SLC1A1: variants seen among roughly 807,000 people sequenced by gnomAD.
SLC1A1 encodes solute carrier family 1 member 1, also known as excitatory amino acid transporter 3.
In SLC1A1, 43 loss-of-function variants were observed where a neutral mutation model predicts 53.3. The ratio of observed to expected loss-of-function variants is 0.81; its 90% CI spans 0.63 to 1.04. The LOEUF (loss-of-function observed/expected upper bound fraction) is 1.04, where lower values mean the gene tolerates loss of function less well. Among genes scored for constraint, SLC1A1 ranks in the 50% least tolerant of loss-of-function variants. The pLI is 0.00. For synonymous variants in SLC1A1, 307 were observed against 243.2 expected, an observed-to-expected ratio of 1.26 and a Z score of -2.44; for missense variants, 748 against 664.9, an observed-to-expected ratio of 1.12 and a Z score of -1.37.
intron 1 of SLC1A1, among the ~76,000 whole-genome samples, chr9:4,526,709 A>G (rs993230757): frequency 6.6e-6 from 1 of 152,218 alleles, no homozygotes; most frequent in African/African-American, 2.4e-5. Context: ...ATAGAATTCT[A>G]ACAAAATTAC....
intron 1 of SLC1A1, among the ~76,000 whole-genome samples, chr9:4,514,755 G>C (rs1176384158): frequency 1.3e-5 from 2 of 152,146 alleles, no homozygotes. Flanking sequence ...TTGCATCCTG[G>C]AAAGATAGCT....
At chr9:4,573,875 G>T in intron 7 of SLC1A1, 32 bp from the exon 8 acceptor site, 1 of 1,444,612 alleles carries the variant, frequency 6.9e-7, no homozygotes, top group South Asian at 1.1e-5. Flanking sequence ...ACTTGATGAC[G>T]GAATCACGCC....
chr9:4,554,861 G>C (rs1278590473), intron 2 of SLC1A1, among the ~76,000 whole-genome samples: 1 of 152,214 alleles, frequency 6.6e-6, no homozygotes, highest in Non-Finnish European at 1.5e-5. Context: ...GTTAATGCTT[G>C]TTGAATACCT....
intron 1 of SLC1A1, among the ~76,000 whole-genome samples, chr9:4,511,855 T>A (rs896359073): frequency 6.6e-6 from 1 of 152,180 alleles, no homozygotes; most frequent in Non-Finnish European, 1.5e-5. Context: ...TTAAGACTAA[T>A]AAGTGATTTT....
chr9:4,575,881 C>T, intron 8 of SLC1A1, 120 bp from the exon 9 acceptor site: 1 of 1,161,922 alleles, frequency 8.6e-7, no homozygotes, highest in East Asian at 2.5e-5. Flanking sequence ...ACTCCCATTT[C>T]TTATTGGGCC....
chr9:4,536,706 G>A (rs1816687732), intron 1 of SLC1A1, among the ~76,000 whole-genome samples: 1 of 152,172 alleles, frequency 6.6e-6, no homozygotes. Flanking sequence ...TATACCCAAA[G>A]GATTATAAAT....
At chr9:4,548,227 C>T (rs1817644211) in intron 2 of SLC1A1, among the ~76,000 whole-genome samples, 1 of 152,180 alleles carries the variant, frequency 6.6e-6, no homozygotes, top group African/African-American at 2.4e-5. Context: ...CTCCTTCCTC[C>T]AGACCCTGAA....
At chr9:4,561,171 T>C (rs1248547724) in intron 2 of SLC1A1, among the ~76,000 whole-genome samples, 1 of 152,192 alleles carries the variant, frequency 6.6e-6, no homozygotes, top group Admixed American at 6.5e-5. Context: ...CTTATGATTA[T>C]TTCCTGACCA....
chr9:4,536,367 C>T (rs1816673591), intron 1 of SLC1A1, among the ~76,000 whole-genome samples: 2 of 152,094 alleles, frequency 1.3e-5, no homozygotes, highest in Admixed American at 1.3e-4. Context: ...ACAGCCCCAT[C>T]AAAAAGTGGG....
intron 10 of SLC1A1, among the ~76,000 whole-genome samples, chr9:4,579,620 C>G (rs1820874882): frequency 6.6e-6 from 1 of 152,188 alleles, no homozygotes; most frequent in Admixed American, 6.5e-5. Context: ...TGGCCCAGAG[C>G]CAATAACAAC....
At chr9:4,544,392 G>C (rs191507825) in intron 1 of SLC1A1, among the ~76,000 whole-genome samples, 175 bp from the exon 2 acceptor site, 1 of 152,236 alleles carries the variant, frequency 6.6e-6, no homozygotes, top group African/African-American at 2.4e-5. Context: ...TGTACTTTCT[G>C]TTCACTGTCT....
intron 1 of SLC1A1, among the ~76,000 whole-genome samples, chr9:4,529,147 G>A (rs1267016690): frequency 2.6e-5 from 4 of 152,124 alleles, no homozygotes; most frequent in African/African-American, 7.2e-5. Context: ...GCCACTTACA[G>A]GATTCGCACA....
chr9:4,514,656 G>T (rs1051314563), intron 1 of SLC1A1, among the ~76,000 whole-genome samples: 1 of 152,146 alleles, frequency 6.6e-6, no homozygotes, highest in Non-Finnish European at 1.5e-5. Flanking sequence ...GGTTGGGGCT[G>T]GGGCTAGGGT....
chr9:4,583,882 T>TCTCTCTCTCACA lies in SLC1A1; in HGVS notation c.1328+711_1328+712insTCTCTCTCACAC, dbSNP rs1423949414. Among the ~76,000 whole-genome samples the TCTCTCTCTCACA allele has an allele frequency of 1.5e-5, 2 of 136,966 alleles. No homozygotes were observed. The highest frequency in any genetic ancestry group is 5.7e-5 in the African/African-American group (2 of 35,264). 89.9% of individuals were successfully genotyped at this position (136,966 alleles called of 152,430 possible). A position where few individuals can be genotyped will look rare whatever the true frequency, so the allele number is the denominator to read the frequency against. On this transcript the variant is annotated intron_variant, in intron 11 of 11. Transcript: ENST00000262352. This position sits in a 1 kb window ranked among gnomAD's most constrained non-coding sequence, Gnocchi z 4.6. ...CTCTCTCTCTCTCTCTCTCTCTCTC[T>TCTCTCTCTCACA]CACACACACACACACACACACACAC...
chr9:4,548,948 T>C (rs1249614127), intron 2 of SLC1A1, among the ~76,000 whole-genome samples: 1 of 152,188 alleles, frequency 6.6e-6, no homozygotes, highest in Non-Finnish European at 1.5e-5. Context: ...CATTTAGGCT[T>C]GTAAGCCGTA....
intron 9 of SLC1A1, among the ~76,000 whole-genome samples, chr9:4,576,362 C>G (rs1820546814): frequency 6.6e-6 from 1 of 152,252 alleles, no homozygotes; most frequent in African/African-American, 2.4e-5. Flanking sequence ...GTGGTGGGCA[C>G]AGCACCTTCT....
chr9:4,540,139 A>G (rs1425243469), intron 1 of SLC1A1, among the ~76,000 whole-genome samples: 7 of 152,138 alleles, frequency 4.6e-5, no homozygotes, highest in African/African-American at 1.7e-4. Context: ...GCAGCTAGAC[A>G]TTGGAGAGAA....
intron 1 of SLC1A1, among the ~76,000 whole-genome samples, chr9:4,505,388 T>C (rs892453597): frequency 2.0e-5 from 3 of 152,130 alleles, no homozygotes; most frequent in African/African-American, 7.2e-5. Flanking sequence ...ATATAGGGTC[T>C]TGTCTTTCAC....
chr9:4,533,116 A>T (rs894741278), intron 1 of SLC1A1, among the ~76,000 whole-genome samples: 46 of 152,188 alleles, frequency 3.0e-4, no homozygotes, highest in African/African-American at 1.1e-3. Flanking sequence ...AACACACCAA[A>T]TTGTAAAGAC....
Sources: allele counts gnomAD v4.1 joint callset (sites outside exome capture counted in the v4.1 genomes callset), GRCh38; gene constraint gnomAD v4.1.1; non-coding constraint Gnocchi (gnomAD v3.1); transcripts MANE v1.5; gene names NCBI Gene and HGNC (gene_info 2026-07-23, HGNC 2026-07-21).